The following HACD2 variants were observed in gnomAD, a reference collection of about 807,000 sequenced individuals.
HACD2 encodes very-long-chain (3R)-3-hydroxyacyl-CoA dehydratase 2.
HACD2 carries 15 observed loss-of-function variants against 31.0 expected under a neutral mutation model. That is an observed-to-expected ratio of 0.48 (90% CI 0.32 to 0.75). The LOEUF (loss-of-function observed/expected upper bound fraction) is 0.75. HACD2 is among the 30% of genes least tolerant of loss of function. HACD2 has a pLI of 0.03. For synonymous variants in HACD2, 115 were observed against 122.2 expected (o/e 0.94, Z 0.39); for missense variants, 283 against 313.0 (o/e 0.90, Z 0.72).
At chr3:123,582,166 T>C in intron 2 of HACD2, 46 bp downstream of exon 2, 2 of 1,290,246 alleles carry the variant, frequency 1.6e-6, no homozygotes, top group South Asian at 2.8e-5. Context: ...CATGTTTTTC[T>C]TCATACCAAT....
At chr3:123,544,633 A>C (rs2056535466) in intron 3 of HACD2, among the ~76,000 whole-genome samples, 2 of 152,188 alleles carry the variant, frequency 1.3e-5, no homozygotes, top group Non-Finnish European at 2.9e-5. Context: ...GCTATAAATA[A>C]TGGAAATAAA....
intron 2 of HACD2, among the ~76,000 whole-genome samples, chr3:123,572,434 AG>A (rs1419559817): frequency 6.6e-6 from 1 of 152,114 alleles, no homozygotes; most frequent in Non-Finnish European, 1.5e-5. Context: ...CTTGAGCCCA[AG>A]AGGTTGAGGC....
At chr3:123,563,834 C>T (rs2626022) in intron 3 of HACD2, among the ~76,000 whole-genome samples, 55,533 of 151,922 alleles carry the variant, frequency 0.37, 11,248 homozygotes, top group African/African-American at 0.55. Context: ...AGATGGGAAG[C>T]AAATGAGATA....
intron 4 of HACD2, among the ~76,000 whole-genome samples, chr3:123,513,006 C>T (rs2056083627): frequency 6.6e-6 from 1 of 152,070 alleles, no homozygotes; most frequent in East Asian, 1.9e-4. Context: ...ATGGCTGATT[C>T]CAGGGCTGGG....
chr3:123,530,408 A>AT (rs1168086468), intron 3 of HACD2, among the ~76,000 whole-genome samples: 23,411 of 134,142 alleles, frequency 0.17, 2,777 homozygotes, highest in African/African-American at 0.33. Flanking sequence ...GTGCCAGGTA[A>AT]TTTTTTTTTT....
chr3:123,557,636 C>G (rs1201864906), intron 3 of HACD2, among the ~76,000 whole-genome samples: 1 of 151,830 alleles, frequency 6.6e-6, no homozygotes, highest in Admixed American at 6.6e-5. Flanking sequence ...GAGACTGTCT[C>G]AAAAAAATAA....
intron 3 of HACD2, among the ~76,000 whole-genome samples, chr3:123,541,963 C>G (rs367773300): frequency 6.6e-6 from 1 of 151,392 alleles, no homozygotes; most frequent in South Asian, 2.1e-4. Context: ...CCGGCTAAAA[C>G]GGTGAAACCC....
intron 3 of HACD2, among the ~76,000 whole-genome samples, chr3:123,548,640 T>G (rs1173318233): frequency 6.6e-6 from 1 of 152,114 alleles, no homozygotes; most frequent in African/African-American, 2.4e-5. Context: ...TTTTTCTTTT[T>G]GAGATGGGGT....
Position 123,567,763 on chromosome 3 carries a change from T to C in HACD2, c.291A>G (p.Ile97Met), listed in dbSNP as rs1323335165. 2.0e-6 allele frequency: 3 copies of C among 1,497,776 alleles called. No homozygotes were observed. In the African/African-American group the frequency reaches 4.3e-5, roughly 21 times the overall value. 92.8% of individuals were successfully genotyped at this position (1,497,776 alleles called of 1,614,324 possible). The change falls in exon 3 of 7, where the codon ATA becomes ATG. Residue 97 changes from isoleucine to methionine, a missense_variant and splice_region_variant. Physicochemically the swap from Ile to Met is conservative, Grantham distance 10. Around this residue, in one of 3 missense-constraint regions of HACD2, gnomAD observed 158 missense variants for 148.3 expected, o/e 1.07. Transcript: ENST00000383657. ...GALLEILHCAIGIVPSSVVLT... is the reference protein window; with the variant it reads ...GALLEILHCAMGIVPSSVVLT... ...GTAGGGGGGAATATCCATACTTACC[T>C]ATAGCACAATGTAAAATCTAGAGGA...
intron 3 of HACD2, among the ~76,000 whole-genome samples, chr3:123,530,408 A>ATTT (rs1168086468): frequency 1.5e-5 from 2 of 134,160 alleles, no homozygotes; most frequent in Non-Finnish European, 1.6e-5. Context: ...GTGCCAGGTA[A>ATTT]TTTTTTTTTT....
chr3:123,584,440 C>T lies in HACD2; in HGVS notation c.155+433G>A, dbSNP rs148180300. On this transcript the variant is annotated intron_variant, in intron 1 of 6. Coordinates refer to ENST00000383657, the MANE Select transcript of HACD2 (RefSeq NM_198402.5). Reference sequence around the variant, plus strand: ...GCGCAGCCCAGATTTTGAAAACAGCCGCCCAAATGAATGGTCACTCTGCAG... The same window carrying T: ...GCGCAGCCCAGATTTTGAAAACAGCTGCCCAAATGAATGGTCACTCTGCAG... 820 of 158,964 alleles carry T rather than the reference C, an allele frequency of 5.2e-3. 2 individuals carry two copies. The highest frequency in any genetic ancestry group is 0.019 in the African/African-American group (803 of 41,900). 9.8% of individuals were successfully genotyped at this position (158,964 alleles called of 1,614,324 possible). A position where few individuals can be genotyped will look rare whatever the true frequency, so the allele number is the denominator to read the frequency against.
At chr3:123,541,028 T>C (rs112207506) in intron 3 of HACD2, among the ~76,000 whole-genome samples, 3 of 152,300 alleles carry the variant, frequency 2.0e-5, no homozygotes, top group African/African-American at 7.2e-5. Context: ...CCCAGCACTT[T>C]GGGAGGCCAA....
intron 3 of HACD2, among the ~76,000 whole-genome samples, chr3:123,546,621 T>C (rs1297955658): frequency 6.6e-6 from 1 of 152,146 alleles, no homozygotes; most frequent in African/African-American, 2.4e-5. Context: ...ACACTAAGGA[T>C]AGTAGAGCAG....
At chr3:123,563,797 A>G (rs1342965241) in intron 3 of HACD2, among the ~76,000 whole-genome samples, 1 of 152,206 alleles carries the variant, frequency 6.6e-6, no homozygotes, top group Non-Finnish European at 1.5e-5. Context: ...AAGACAGGAA[A>G]CCTTCTAACC....
chr3:123,558,645 G>T (rs1291993583), intron 3 of HACD2, among the ~76,000 whole-genome samples: 1 of 152,110 alleles, frequency 6.6e-6, no homozygotes, highest in East Asian at 1.9e-4. Context: ...CCTCTCCCAA[G>T]AAAAGGAAAC....
chr3:123,524,539 T>C (rs1335361086), intron 4 of HACD2, among the ~76,000 whole-genome samples: 2 of 152,226 alleles, frequency 1.3e-5, no homozygotes, highest in African/African-American at 4.8e-5. Flanking sequence ...CATATCCTAA[T>C]GTGAATATGG....
rs189323502 is a variant in HACD2 at position 123,558,513 on chromosome 3, C to T, written c.292+9249G>A. ...ACTATGCATGCGTGGAGGAAGGGGG[C>T]CTATGGGACATGTCTGTACCTTCCT... On this transcript the variant is annotated intron_variant, in intron 3 of 6. Coordinates refer to ENST00000383657, the MANE Select transcript of HACD2 (RefSeq NM_198402.5). Among the ~76,000 whole-genome samples, 28 of 151,988 alleles carry T rather than the reference C, an allele frequency of 1.8e-4. 1 individual carries two copies. The highest frequency in any genetic ancestry group is 1.8e-3 in the Admixed American group (28 of 15,252).
chr3:123,530,334 C>T (rs2107708838), intron 3 of HACD2, among the ~76,000 whole-genome samples: 1 of 152,228 alleles, frequency 6.6e-6, no homozygotes, highest in Middle Eastern at 3.4e-3. Flanking sequence ...TCACTGCAGC[C>T]TCAAACTCCT....
chr3:123,550,038 G>C (rs1281463344), intron 3 of HACD2, among the ~76,000 whole-genome samples: 1 of 152,168 alleles, frequency 6.6e-6, no homozygotes, highest in Non-Finnish European at 1.5e-5. Flanking sequence ...GCTGAGTGTG[G>C]TAGCTCACAT....
Sources: gnomAD v4.1 joint callset for allele counts (sites outside exome capture counted in the v4.1 genomes callset) on GRCh38, gnomAD v4.1.1 for gene constraint, gnomAD v4.1.1 regional missense constraint, MANE v1.5 for transcripts, NCBI Gene and HGNC (gene_info 2026-07-23, HGNC 2026-07-21) for gene names.